PDK1: variants seen among roughly 807,000 people sequenced by gnomAD.
PDK1 encodes pyruvate dehydrogenase kinase 1.
Under a neutral mutation model 54.2 loss-of-function variants are expected in PDK1, and 39 were observed. The ratio of observed to expected loss-of-function variants is 0.72; its 90% CI spans 0.56 to 0.94. The LOEUF (loss-of-function observed/expected upper bound fraction) is 0.94, where lower values mean the gene tolerates loss of function less well. PDK1 is among the 40% of genes least tolerant of loss of function. PDK1 has a pLI of 0.00. For missense variants in PDK1, 552 were observed against 566.0 expected, an observed-to-expected ratio of 0.98 and a Z score of 0.25; for synonymous variants, 221 against 207.1, an observed-to-expected ratio of 1.07 and a Z score of -0.58.
At chr2:172,687,177 A>G in the PDK1 span, among the ~76,000 whole-genome samples, 1 of 152,212 alleles carries the variant, frequency 6.6e-6, no homozygotes, top group East Asian at 1.9e-4. Context: ...CCTCCTTCCC[A>G]AATATATTTT....
At chr2:172,572,647 A>C (rs1049611757) in intron 8 of PDK1, among the ~76,000 whole-genome samples, 4 of 151,982 alleles carry the variant, frequency 2.6e-5, no homozygotes, top group Admixed American at 6.6e-5. Context: ...AATCGCTTGA[A>C]CCCAGCAGCA....
At chr2:172,664,311 C>CAAAAAAAAAAAAAAAAAAAA in the PDK1 span, among the ~76,000 whole-genome samples, 17 of 44,178 alleles carry the variant, frequency 3.8e-4, 4 homozygotes, top group Admixed American at 1.0e-3. Context: ...AACTCTGCCT[C>CAAAAAAAAAAAAAAAAAAAA]AAAAAAAAAA....
At chr2:172,647,706 CGTAATAATTGTT>C in the PDK1 span, among the ~76,000 whole-genome samples, 23 of 151,976 alleles carry the variant, frequency 1.5e-4, no homozygotes, top group Non-Finnish European at 2.6e-4. Context: ...CAAGCTCTAC[CGTAATAATTGTT>C]GCAGGCAAGA....
intron 8 of PDK1, among the ~76,000 whole-genome samples, chr2:172,578,638 A>G (rs912003931): frequency 3.1e-4 from 47 of 150,408 alleles, no homozygotes; most frequent in African/African-American, 1.1e-3. Context: ...ATATCTTGTT[A>G]TTTTTATAGA....
chr2:172,585,388 C>T (rs997905138), intron 8 of PDK1, among the ~76,000 whole-genome samples: 19 of 131,286 alleles, frequency 1.4e-4, no homozygotes, highest in Non-Finnish European at 1.8e-4. Flanking sequence ...TGCAGTGGTA[C>T]GATCTTGGCT....
At chr2:172,633,866 G>GTTTTT in the PDK1 span, among the ~76,000 whole-genome samples, 2 of 54,858 alleles carry the variant, frequency 3.6e-5, no homozygotes, top group African/African-American at 1.2e-4. Context: ...TTTAGTCTAT[G>GTTTTT]ATTTTTTTTT....
chr2:172,690,846 T>C, the PDK1 span, among the ~76,000 whole-genome samples: 2 of 107,380 alleles, frequency 1.9e-5, 1 homozygote, highest in Non-Finnish European at 3.7e-5. Flanking sequence ...CACTGGGGCC[T>C]GTTGGGGGGG....
chr2:172,612,849 G>C (rs1473317774), downstream of PDK1, among the ~76,000 whole-genome samples: 1 of 151,996 alleles, frequency 6.6e-6, no homozygotes, highest in African/African-American at 2.4e-5. Context: ...TAGTGGAGAC[G>C]GGGTTTCACC....
chr2:172,711,039 T>C, the PDK1 span, among the ~76,000 whole-genome samples: 1 of 152,224 alleles, frequency 6.6e-6, no homozygotes, highest in Non-Finnish European at 1.5e-5. Flanking sequence ...AAAACTAAAA[T>C]TTTTCCTAGG....
Position 172,596,275 on chromosome 2 carries a change from AGTT to A in PDK1, c.*307_*309del, listed in dbSNP as rs528280276. The A allele has an allele frequency of 0.011, 2,152 of 188,760 alleles. 39 individuals carry two copies. Among genetic ancestry groups the A allele is most frequent in the African/African-American group, 0.051 (1,988 of 39,020 alleles). The allele number at this position is 188,760 out of a possible 1,614,324, so 11.7% of individuals were successfully genotyped here. A position where few individuals can be genotyped will look rare whatever the true frequency, so the allele number is the denominator to read the frequency against. ...AATCTTCGGGTTTCTATAGGAAACT[AGTT>A]TTTTTTTTTTAAGAAATACTTTCAT... On this transcript the variant is annotated 3_prime_UTR_variant, in exon 11 of 11. Transcript: ENST00000282077.
chr2:172,712,609 G>A, the PDK1 span, among the ~76,000 whole-genome samples: 1 of 152,186 alleles, frequency 6.6e-6, no homozygotes, highest in Non-Finnish European at 1.5e-5. Context: ...ACTGCAAGCG[G>A]CTTCCACTGT....
In PDK1 at chr2:172,596,845, T is replaced by G. The variant is rs1404693506; in HGVS notation, c.*876T>G. 1 of 152,228 alleles carries G rather than the reference T, an allele frequency of 6.6e-6. No individual in the cohort carries two copies. Among genetic ancestry groups the G allele is most frequent in the East Asian group, 1.9e-4 (1 of 5,194 alleles). The allele number at this position is 152,228 out of a possible 1,614,324, so 9.4% of individuals were successfully genotyped here. On this transcript the variant is annotated 3_prime_UTR_variant, in exon 11 of 11. Coordinates refer to ENST00000282077, the MANE Select transcript of PDK1 (RefSeq NM_002610.5). ...AGGGCTAGAGCCTAGAAATCTCACT[T>G]TTTAAAATGCTTCCAAGGTAAGTCT...
chr2:172,582,260 TTGA>T (rs1689953463), intron 8 of PDK1, among the ~76,000 whole-genome samples: 1 of 152,200 alleles, frequency 6.6e-6, no homozygotes, highest in South Asian at 2.1e-4. Flanking sequence ...TCATTTACTG[TTGA>T]TGATTTTACA....
At chr2:172,595,267 G>C (rs1196105429) in intron 10 of PDK1, among the ~76,000 whole-genome samples, 1 of 151,976 alleles carries the variant, frequency 6.6e-6, no homozygotes, top group African/African-American at 2.4e-5. Context: ...ACAGGATCTT[G>C]CTATGTTGCC....
At chr2:172,704,706 G>A in the PDK1 span, among the ~76,000 whole-genome samples, 1 of 152,150 alleles carries the variant, frequency 6.6e-6, no homozygotes, top group Non-Finnish European at 1.5e-5. Flanking sequence ...AAGGTATGGG[G>A]AAACAACCAA....
chr2:172,618,794 C>T, the PDK1 span, among the ~76,000 whole-genome samples: 5 of 152,176 alleles, frequency 3.3e-5, no homozygotes, highest in Non-Finnish European at 7.3e-5. Context: ...AGTGTGGCTG[C>T]AGCTGAGGTC....
chr2:172,596,198 A>G lies in PDK1; in HGVS notation c.*229A>G. Reference sequence around the variant, plus strand: ...CAGTTAATTGAACATATTTTTAAACAACTGTAGTTTTGGGCAACTTTTCAC... The same window carrying G: ...CAGTTAATTGAACATATTTTTAAACGACTGTAGTTTTGGGCAACTTTTCAC... On this transcript the variant is annotated 3_prime_UTR_variant, in exon 11 of 11. Coordinates refer to ENST00000282077, the MANE Select transcript of PDK1 (RefSeq NM_002610.5). 2.8e-6 allele frequency: 1 copy of G among 354,224 alleles called. No individual in the cohort carries two copies. The highest frequency in any genetic ancestry group is 5.1e-6 in the Non-Finnish European group (1 of 196,514). 21.9% of individuals were successfully genotyped at this position (354,224 alleles called of 1,614,324 possible).
the PDK1 span, among the ~76,000 whole-genome samples, chr2:172,695,786 A>G: frequency 1.3e-5 from 2 of 152,180 alleles, no homozygotes; most frequent in Non-Finnish European, 2.9e-5. Flanking sequence ...AACTGCAGAT[A>G]GCCTGGTTGC....
chr2:172,701,967 G>A, the PDK1 span, among the ~76,000 whole-genome samples: 1 of 152,046 alleles, frequency 6.6e-6, no homozygotes, highest in Non-Finnish European at 1.5e-5. Context: ...TGTTGACAAT[G>A]TTACTATTTC....
Sources: allele counts gnomAD v4.1 joint callset (sites outside exome capture counted in the v4.1 genomes callset), GRCh38; gene constraint gnomAD v4.1.1; transcripts MANE v1.5; gene names NCBI Gene and HGNC (gene_info 2026-07-23, HGNC 2026-07-21).